Variants in STEAP1B observed in about 807,000 individuals in gnomAD.
STEAP1B encodes the protein STEAP family member 1B, also known as STEAP family protein MGC87042.
STEAP1B carries 13 observed loss-of-function variants against 27.9 expected under a neutral mutation model. The observed-to-expected ratio is 0.47, with a 90% CI of 0.30 to 0.74. The LOEUF is 0.74. Among genes scored for constraint, STEAP1B ranks in the 30% least tolerant of loss-of-function variants. The pLI is 0.06. For synonymous variants in STEAP1B, 86 were observed against 107.1 expected (o/e 0.80, Z 1.22); for missense variants, 250 against 298.7 (o/e 0.84, Z 1.20).
At chr7:22,495,945 C>G (rs1398531815) in intron 1 of STEAP1B, among the ~76,000 whole-genome samples, 3 of 152,098 alleles carry the variant, frequency 2.0e-5, no homozygotes, top group Admixed American at 6.5e-5. Flanking sequence ...AAGTGTACTC[C>G]TTCTACTTAC....
chr7:22,479,084 CA>C (rs548967627), intron 4 of STEAP1B, among the ~76,000 whole-genome samples: 202 of 152,226 alleles, frequency 1.3e-3, no homozygotes, highest in African/African-American at 4.8e-3. Context: ...CTCCACTTGG[CA>C]ATTTGATTTC....
chr7:22,456,039 C>A (rs1252599917), intron 4 of STEAP1B, among the ~76,000 whole-genome samples: 1 of 151,924 alleles, frequency 6.6e-6, no homozygotes, highest in Non-Finnish European at 1.5e-5. Flanking sequence ...CCCAGCTACT[C>A]GTGAGGCTGA....
chr7:22,499,668 G>T (rs1166913377), intron 1 of STEAP1B, among the ~76,000 whole-genome samples: 5 of 152,160 alleles, frequency 3.3e-5, no homozygotes, highest in African/African-American at 1.2e-4. Context: ...TCTAAGGACT[G>T]AAAATGAAAA....
intron 4 of STEAP1B, among the ~76,000 whole-genome samples, chr7:22,448,900 C>T (rs1240335197): frequency 1.3e-5 from 2 of 152,150 alleles, no homozygotes; most frequent in African/African-American, 2.4e-5. Flanking sequence ...GACACACGAA[C>T]AAGCAAGCAA....
At chr7:22,464,011 G>A (rs1249911294) in intron 4 of STEAP1B, among the ~76,000 whole-genome samples, 1 of 151,964 alleles carries the variant, frequency 6.6e-6, no homozygotes, top group African/African-American at 2.4e-5. Flanking sequence ...CCATCAGAGT[G>A]AACAGGCAAC....
At chr7:22,492,813 G>A in intron 3 of STEAP1B, 84 bp from the exon 4 acceptor site, 1 of 1,498,978 alleles carries the variant, frequency 6.7e-7, no homozygotes, top group East Asian at 2.3e-5. Flanking sequence ...TCTTCCCTGT[G>A]TGTACTATGA....
At chr7:22,481,249 T>A (rs371003447) in intron 4 of STEAP1B, among the ~76,000 whole-genome samples, 1 of 152,192 alleles carries the variant, frequency 6.6e-6, no homozygotes, top group Non-Finnish European at 1.5e-5. Flanking sequence ...CACCCAGCCT[T>A]AGCTTCCCCA....
intron 4 of STEAP1B, among the ~76,000 whole-genome samples, chr7:22,472,306 C>T (rs1785898974): frequency 6.6e-6 from 1 of 152,220 alleles, no homozygotes; most frequent in Admixed American, 6.5e-5. Context: ...TGTGCAGCCA[C>T]CAGCCTCCCG....
At chr7:22,432,422 A>G (rs2128400218) in intron 4 of STEAP1B, among the ~76,000 whole-genome samples, 1 of 145,064 alleles carries the variant, frequency 6.9e-6, no homozygotes, top group African/African-American at 2.6e-5. Context: ...TAAATAAATA[A>G]AAGGTTAGCC....
At chr7:22,483,174 A>T (rs907783482) in intron 4 of STEAP1B, among the ~76,000 whole-genome samples, 5 of 148,132 alleles carry the variant, frequency 3.4e-5, no homozygotes, top group Non-Finnish European at 7.5e-5. Flanking sequence ...CTAGGAAAAA[A>T]TGTCAACCGA....
At position 22,431,367 on chromosome 7, in the gene STEAP1B, A is replaced by G. The variant is rs1415504169; in HGVS notation, c.763-11531T>C. Among the ~76,000 whole-genome samples the G allele has an allele frequency of 2.0e-5, 3 of 152,202 alleles. No individual in the cohort carries two copies. In the South Asian group the frequency reaches 6.2e-4, roughly 32 times the overall value. ...GGGAAAAAAAAATCTCTCTCCCAAT[A>G]GCTCTCTCAGAAGTGAAACATCTTT... On this transcript the variant is annotated intron_variant, in intron 4 of 4. Coordinates refer to ENST00000678116, the MANE Select transcript of STEAP1B (RefSeq NM_001382447.1).
rs368275730 is a variant in STEAP1B, at chr7:22,443,377, A to G, written c.763-23541T>C. ...TCAATCACTTCAATAGGTATTAATTAAGCACCCATTGTATGCCAGGAACTG... is the reference window on the plus strand; with the variant it reads ...TCAATCACTTCAATAGGTATTAATTGAGCACCCATTGTATGCCAGGAACTG... On this transcript the variant is annotated intron_variant, in intron 4 of 4. Transcript: ENST00000678116. Among the ~76,000 whole-genome samples, 7 of 152,322 alleles carry G rather than the reference A, an allele frequency of 4.6e-5. No individual in the cohort carries two copies. The East Asian group carries it at 7.7e-4, about 17-fold the overall frequency.
At chr7:22,459,903 T>C (rs1023896660) in intron 4 of STEAP1B, among the ~76,000 whole-genome samples, 1 of 152,222 alleles carries the variant, frequency 6.6e-6, no homozygotes, top group Non-Finnish European at 1.5e-5. Context: ...TGACATTTAG[T>C]TTCATTATCC....
At chr7:22,483,847 T>C (rs1562583279) in intron 4 of STEAP1B, among the ~76,000 whole-genome samples, 1 of 152,238 alleles carries the variant, frequency 6.6e-6, no homozygotes, top group African/African-American at 2.4e-5. Flanking sequence ...TTAAGTTCAC[T>C]GTCTCATACA....
In STEAP1B at chr7:22,452,222, C is replaced by T. The variant is rs527593407; in HGVS notation, c.763-32386G>A. Among the ~76,000 whole-genome samples, 120 of 152,318 alleles carry T rather than the reference C, an allele frequency of 7.9e-4. 1 individual carries two copies. Among genetic ancestry groups the T allele is most frequent in the Admixed American group, 2.0e-3 (30 of 15,304 alleles). ...AAAGACTCTGGAAGCGAGGGCGTGGCTACTGCAGGAAAGAAGAAACAGGCT... is the reference window on the plus strand; with the variant it reads ...AAAGACTCTGGAAGCGAGGGCGTGGTTACTGCAGGAAAGAAGAAACAGGCT... On this transcript the variant is annotated intron_variant, in intron 4 of 4. Transcript: ENST00000678116.
intron 4 of STEAP1B, 117 bp from the exon 5 acceptor site, chr7:22,419,953 A>G: frequency 2.4e-6 from 3 of 1,250,804 alleles, no homozygotes; most frequent in Non-Finnish European, 3.2e-6. Flanking sequence ...ACGCTTTTCT[A>G]AAGTCACCAG....
intron 4 of STEAP1B, among the ~76,000 whole-genome samples, chr7:22,424,183 G>A (rs1045784002): frequency 9.2e-5 from 14 of 152,192 alleles, no homozygotes; most frequent in African/African-American, 3.4e-4. Flanking sequence ...AGGGATGATA[G>A]ATAGCGATTT....
At chr7:22,487,854 T>C (rs1583353473) in intron 4 of STEAP1B, among the ~76,000 whole-genome samples, 1 of 147,754 alleles carries the variant, frequency 6.8e-6, no homozygotes, top group African/African-American at 2.5e-5. Flanking sequence ...CACACATAGA[T>C]TTACTATATT....
At chr7:22,429,175 G>A (rs1387217694) in intron 4 of STEAP1B, among the ~76,000 whole-genome samples, 1 of 152,156 alleles carries the variant, frequency 6.6e-6, no homozygotes, top group Non-Finnish European at 1.5e-5. Flanking sequence ...TCCACTCATA[G>A]GTTTATACCC....
Sources: allele counts gnomAD v4.1 joint callset (sites outside exome capture counted in the v4.1 genomes callset), GRCh38; gene constraint gnomAD v4.1.1; transcripts MANE v1.5; gene names NCBI Gene and HGNC (gene_info 2026-07-23, HGNC 2026-07-21).